Variants in AHCYL2 observed in about 807,000 individuals in gnomAD.
AHCYL2 encodes adenosylhomocysteinase like 2, also known as S-adenosylhomocysteine hydrolase-like protein 2.
In AHCYL2, 28 loss-of-function variants were observed where a neutral mutation model predicts 81.4. That is an observed-to-expected ratio of 0.34 (90% CI 0.25 to 0.47). The LOEUF is 0.47. Ranked by LOEUF, AHCYL2 falls within the 20% of genes least tolerant of loss-of-function variation. AHCYL2 has a pLI of 1.00. For synonymous variants in AHCYL2, 272 were observed against 290.2 expected (o/e 0.94, Z 0.64); for missense variants, 551 against 785.1 (o/e 0.70, Z 3.56).
At chr7:129,338,165 A>C (rs995457620) in intron 1 of AHCYL2, among the ~76,000 whole-genome samples, 3 of 151,388 alleles carry the variant, frequency 2.0e-5, no homozygotes, top group Non-Finnish European at 4.4e-5. Flanking sequence ...TATGCATTGT[A>C]CTTTTTTTTT....
At chr7:129,387,917 A>G (rs1417252386) in intron 2 of AHCYL2, among the ~76,000 whole-genome samples, 28 of 152,262 alleles carry the variant, frequency 1.8e-4, no homozygotes, top group Admixed American at 1.4e-3. Context: ...CTGCTGCCCA[A>G]ATGGTTTGTA....
chr7:129,305,346 G>C (rs1377636799), intron 1 of AHCYL2, among the ~76,000 whole-genome samples: 1 of 152,128 alleles, frequency 6.6e-6, no homozygotes, highest in East Asian at 1.9e-4. Context: ...TGTAGTCCCA[G>C]CTACTTGGGA....
intron 1 of AHCYL2, among the ~76,000 whole-genome samples, chr7:129,239,859 C>T (rs1794781882): frequency 6.6e-6 from 1 of 151,724 alleles, no homozygotes; most frequent in Non-Finnish European, 1.5e-5. Context: ...CATAACAGAA[C>T]CCCTGCCCCA....
chr7:129,275,793 G>A (rs1468162665), intron 1 of AHCYL2, among the ~76,000 whole-genome samples: 2 of 152,022 alleles, frequency 1.3e-5, no homozygotes, highest in Non-Finnish European at 2.9e-5. Flanking sequence ...CTATAAAATG[G>A]AAAAATTTAA....
chr7:129,310,226 A>G (rs1318775865), intron 1 of AHCYL2, among the ~76,000 whole-genome samples: 2 of 152,170 alleles, frequency 1.3e-5, no homozygotes, highest in African/African-American at 2.4e-5. Flanking sequence ...AATAGACCCC[A>G]TAAATCTCTA....
intron 1 of AHCYL2, among the ~76,000 whole-genome samples, chr7:129,339,579 A>C (rs1793088333): frequency 6.6e-6 from 1 of 151,972 alleles, no homozygotes; most frequent in Non-Finnish European, 1.5e-5. Context: ...TAGAGACAGG[A>C]TCTCTCACTG....
intron 1 of AHCYL2, among the ~76,000 whole-genome samples, chr7:129,283,024 A>C (rs1228977281): frequency 6.6e-6 from 1 of 152,120 alleles, no homozygotes; most frequent in Non-Finnish European, 1.5e-5. Flanking sequence ...TTTGAGTGCC[A>C]GTTAGTGTTC....
intron 1 of AHCYL2, among the ~76,000 whole-genome samples, chr7:129,359,809 A>G (rs571536578): frequency 6.6e-6 from 1 of 152,112 alleles, no homozygotes; most frequent in East Asian, 1.9e-4. Context: ...TTAAGTCCAT[A>G]CTCCACTCCT....
At position 129,425,095 on chromosome 7, in the gene AHCYL2, T is replaced by C; in HGVS notation, c.1662T>C (p.Pro554=). 1 of 1,613,710 alleles carries C rather than the reference T, an allele frequency of 6.2e-7. No homozygotes were observed. Among genetic ancestry groups the C allele is most frequent in the Non-Finnish European group, 8.5e-7 (1 of 1,179,954 alleles). ...ALALIELYNA[P]EGRYKQDVYL... ...CCTTGATAGAGCTTTACAATGCTCCTGAGGGTCGCTATAAGCAGGATGTCT... is the reference window on the plus strand; with the variant it reads ...CCTTGATAGAGCTTTACAATGCTCCCGAGGGTCGCTATAAGCAGGATGTCT... Residue 554 remains proline (P), a synonymous_variant, in exon 15 of 17, where the codon CCT becomes CCC. Transcript: ENST00000325006.
chr7:129,266,147 A>G (rs1795804463), intron 1 of AHCYL2, among the ~76,000 whole-genome samples: 1 of 152,166 alleles, frequency 6.6e-6, no homozygotes, highest in Non-Finnish European at 1.5e-5. Flanking sequence ...TTCTCAGTGC[A>G]CATTTAACTA....
intron 1 of AHCYL2, among the ~76,000 whole-genome samples, chr7:129,292,155 C>A (rs1796889150): frequency 6.6e-6 from 1 of 152,096 alleles, no homozygotes; most frequent in South Asian, 2.1e-4. Context: ...TAACAATTTG[C>A]TTACCATCAC....
At chr7:129,344,738 T>C (rs1793300844) in intron 1 of AHCYL2, among the ~76,000 whole-genome samples, 1 of 151,640 alleles carries the variant, frequency 6.6e-6, no homozygotes, top group Admixed American at 6.6e-5. Context: ...AAGGAGTGAG[T>C]GGTGGGAGAG....
chr7:129,358,229 T>C (rs1044395495), intron 1 of AHCYL2, among the ~76,000 whole-genome samples: 8 of 151,416 alleles, frequency 5.3e-5, no homozygotes, highest in African/African-American at 1.9e-4. Context: ...CCGTCTCTAC[T>C]AAACATACAA....
intron 12 of AHCYL2, among the ~76,000 whole-genome samples, chr7:129,418,032 G>A (rs903837131): frequency 1.3e-5 from 2 of 152,170 alleles, no homozygotes; most frequent in South Asian, 4.1e-4. Flanking sequence ...CAAGCCATCC[G>A]AGCATTCTGT....
intron 12 of AHCYL2, among the ~76,000 whole-genome samples, chr7:129,417,676 AC>A (rs1291245765): frequency 2.0e-5 from 3 of 152,262 alleles, no homozygotes; most frequent in African/African-American, 7.2e-5. Context: ...AAATTATTCA[AC>A]CTTTGGTGAT....
intron 5 of AHCYL2, among the ~76,000 whole-genome samples, chr7:129,399,269 A>T (rs1795907045): frequency 6.6e-6 from 1 of 151,632 alleles, no homozygotes; most frequent in Admixed American, 6.6e-5. Context: ...CAATATGGTG[A>T]AACCCCGTCT....
chr7:129,325,729 T>C (rs1051860556), intron 1 of AHCYL2, among the ~76,000 whole-genome samples: 1 of 146,770 alleles, frequency 6.8e-6, no homozygotes, highest in Non-Finnish European at 1.5e-5. Context: ...TTTCTTTTTC[T>C]TTTTTTTTTT....
intron 1 of AHCYL2, among the ~76,000 whole-genome samples, chr7:129,341,248 G>A (rs888161410): frequency 6.6e-6 from 1 of 152,198 alleles, no homozygotes; most frequent in Non-Finnish European, 1.5e-5. Context: ...AAAGGACATT[G>A]AGCTTCTAGG....
rs1477107147 is a variant in AHCYL2, at chr7:129,426,937, A to G, written c.1830-102A>G. The G allele has an allele frequency of 4.7e-5, 57 of 1,216,782 alleles. No individual in the cohort carries two copies. Among genetic ancestry groups the G allele is most frequent in the Non-Finnish European group, 6.8e-5 (57 of 837,902 alleles). 75.4% of individuals were successfully genotyped at this position (1,216,782 alleles called of 1,614,324 possible). On this transcript the variant is annotated intron_variant, in intron 16 of 16. Transcript: ENST00000325006. This position sits in a 1 kb window ranked among gnomAD's most constrained non-coding sequence, Gnocchi z 4.3. ...TATTTCCTGTCACTGTACACTCCAG[A>G]AAAGTCTCTGCCTCCCTGTTACACC...
Sources: gnomAD v4.1 joint callset for allele counts (sites outside exome capture counted in the v4.1 genomes callset) on GRCh38, gnomAD v4.1.1 for gene constraint, Gnocchi (gnomAD v3.1) non-coding constraint, MANE v1.5 for transcripts, NCBI Gene and HGNC (gene_info 2026-07-23, HGNC 2026-07-21) for gene names.